Variants in PITPNC1 observed in about 807,000 individuals in gnomAD.
PITPNC1 encodes the protein cytoplasmic phosphatidylinositol transfer protein 1.
Under a neutral mutation model 44.7 loss-of-function variants are expected in PITPNC1, and 18 were observed. The ratio of observed to expected loss-of-function variants is 0.40; its 90% CI spans 0.28 to 0.60. The LOEUF is 0.60. Among genes scored for constraint, PITPNC1 ranks in the 20% least tolerant of loss-of-function variants. The probability of loss-of-function intolerance (pLI) is 0.39; values close to 1 mark genes in which losing one functional copy is unlikely to be tolerated. For missense variants in PITPNC1, 290 were observed against 418.4 expected (o/e 0.69, Z 2.68); for synonymous variants, 141 against 149.6 (o/e 0.94, Z 0.42).
chr17:67,660,695 G>GCCA (rs938230407), intron 6 of PITPNC1, among the ~76,000 whole-genome samples: 1 of 151,626 alleles, frequency 6.6e-6, no homozygotes, highest in African/African-American at 2.4e-5. Context: ...ACAGGCACAT[G>GCCA]CCACCACACC....
At chr17:67,439,464 T>C (rs1250926352) in intron 1 of PITPNC1, among the ~76,000 whole-genome samples, 1 of 152,194 alleles carries the variant, frequency 6.6e-6, no homozygotes, top group East Asian at 1.9e-4. Flanking sequence ...TTTAATCTTG[T>C]ATCTGTGATA....
chr17:67,545,501 A>G (rs542969139), intron 2 of PITPNC1, among the ~76,000 whole-genome samples: 2 of 152,192 alleles, frequency 1.3e-5, no homozygotes, highest in Non-Finnish European at 2.9e-5. Flanking sequence ...GCTTGAACCC[A>G]GGAGGTGGAG....
At chr17:67,413,286 T>C (rs1025214857) in intron 1 of PITPNC1, among the ~76,000 whole-genome samples, 9 of 152,188 alleles carry the variant, frequency 5.9e-5, no homozygotes, top group Non-Finnish European at 1.5e-5. Context: ...GGAATTAAAC[T>C]TAAACCTTCT....
At chr17:67,433,910 C>CATAATAATA (rs368751732) in intron 1 of PITPNC1, among the ~76,000 whole-genome samples, 3 of 151,092 alleles carry the variant, frequency 2.0e-5, no homozygotes, top group African/African-American at 7.3e-5. Context: ...TCCTCCTCCC[C>CATAATAATA]ATAATAATAA....
chr17:67,465,968 C>T (rs1024969909), intron 1 of PITPNC1, among the ~76,000 whole-genome samples: 2 of 150,482 alleles, frequency 1.3e-5, no homozygotes, highest in Non-Finnish European at 3.0e-5. Context: ...GCTGGTTTCC[C>T]CCCCGTCAGG....
intron 1 of PITPNC1, among the ~76,000 whole-genome samples, chr17:67,398,467 T>C (rs1332621833): frequency 1.3e-5 from 2 of 151,970 alleles, no homozygotes; most frequent in Non-Finnish European, 2.9e-5. Flanking sequence ...TGTAGCCCAA[T>C]TGGTTCAACT....
intron 5 of PITPNC1, chr17:67,613,223 G>A (rs574411577): frequency 6.6e-6 from 1 of 152,058 alleles, no homozygotes; most frequent in Non-Finnish European, 1.5e-5. Context: ...TAACACCCAA[G>A]TTTTGACCTT....
chr17:67,609,209 T>C (rs1176716641), intron 5 of PITPNC1, among the ~76,000 whole-genome samples: 1 of 151,380 alleles, frequency 6.6e-6, no homozygotes, highest in African/African-American at 2.4e-5. Context: ...TAGCCTCCCC[T>C]GGTTTCCCAA....
intron 5 of PITPNC1, among the ~76,000 whole-genome samples, chr17:67,614,940 C>G (rs1323418993): frequency 1.3e-5 from 2 of 151,420 alleles, no homozygotes; most frequent in Non-Finnish European, 3.0e-5. Flanking sequence ...GCAAGAGTGG[C>G]GGGTTTCTCC....
chr17:67,417,139 A>T (rs559113604), intron 1 of PITPNC1, among the ~76,000 whole-genome samples: 10 of 145,128 alleles, frequency 6.9e-5, no homozygotes, highest in Non-Finnish European at 1.1e-4. Context: ...CTTAAAAAAA[A>T]TTTTTTTTTG....
intron 1 of PITPNC1, among the ~76,000 whole-genome samples, chr17:67,529,043 C>T (rs1226671093): frequency 5.3e-5 from 8 of 151,886 alleles, no homozygotes; most frequent in African/African-American, 1.7e-4. Context: ...TCGAGTGTCC[C>T]GCCACCCCCA....
At chr17:67,673,807 C>A (rs1026954586) in intron 7 of PITPNC1, among the ~76,000 whole-genome samples, 2 of 151,226 alleles carry the variant, frequency 1.3e-5, no homozygotes, top group Non-Finnish European at 2.9e-5. Context: ...AAAAATTAGC[C>A]GGGCATGGTG....
At chr17:67,686,839 A>C (rs534379546) in intron 8 of PITPNC1, among the ~76,000 whole-genome samples, 57 of 152,062 alleles carry the variant, frequency 3.7e-4, no homozygotes, top group Non-Finnish European at 7.5e-4. Context: ...ACCCCTAAAT[A>C]ATTTCCACTC....
At chr17:67,622,827 A>G (rs1489862210) in intron 5 of PITPNC1, among the ~76,000 whole-genome samples, 10 of 151,704 alleles carry the variant, frequency 6.6e-5, no homozygotes, top group African/African-American at 2.2e-4. Context: ...AGTCACGCCA[A>G]TGCATTCCAG....
At chr17:67,686,585 C>T (rs915765010) in intron 8 of PITPNC1, among the ~76,000 whole-genome samples, 2 of 152,132 alleles carry the variant, frequency 1.3e-5, no homozygotes, top group Non-Finnish European at 2.9e-5. Context: ...AATATCATTG[C>T]TCTGCCTTCT....
chr17:67,598,327 A>G (rs372275779), intron 5 of PITPNC1, among the ~76,000 whole-genome samples: 1 of 152,250 alleles, frequency 6.6e-6, no homozygotes, highest in South Asian at 2.1e-4. Flanking sequence ...CAATTAGCTC[A>G]GTGGTCTGAG....
intron 1 of PITPNC1, among the ~76,000 whole-genome samples, chr17:67,460,740 C>CTTTTTTTTTTTTTTT (rs138545288): frequency 8.2e-6 from 1 of 121,534 alleles, no homozygotes; most frequent in Admixed American, 9.0e-5. Flanking sequence ...TTCTTTCTTT[C>CTTTTTTTTTTTTTTT]TTTTTTTTTT....
chr17:67,640,685 GAAAAAAAAAA>G (rs71139165), intron 6 of PITPNC1, among the ~76,000 whole-genome samples: 4 of 100,218 alleles, frequency 4.0e-5, no homozygotes, highest in Admixed American at 1.2e-4. Flanking sequence ...TGTTGAAAAA[GAAAAAAAAAA>G]AAAAAAAAAA....
chr17:67,413,493 C>T (rs2038540307), intron 1 of PITPNC1, among the ~76,000 whole-genome samples: 2 of 146,494 alleles, frequency 1.4e-5, no homozygotes, highest in Admixed American at 6.9e-5. Context: ...TATGCTCAGC[C>T]TGTGTGTCAT....
Sources: allele counts gnomAD v4.1 joint callset (sites outside exome capture counted in the v4.1 genomes callset), GRCh38; gene constraint gnomAD v4.1.1; transcripts MANE v1.5; gene names NCBI Gene and HGNC (gene_info 2026-07-23, HGNC 2026-07-21).